PLXNA4: variants seen among roughly 807,000 people sequenced by gnomAD.
PLXNA4 encodes plexin-A4.
Under a neutral mutation model 191.8 loss-of-function variants are expected in PLXNA4, and 44 were observed. The observed-to-expected ratio is 0.23, with a 90% CI of 0.18 to 0.29. The LOEUF is 0.29. PLXNA4 is among the 10% of genes least tolerant of loss of function. PLXNA4 has a pLI of 1.00. For missense variants in PLXNA4, 1,800 were observed against 2,488.8 expected (o/e 0.72, Z 5.89); for synonymous variants, 1,082 against 1,009.5 (o/e 1.07, Z -1.36).
At chr7:132,385,730 G>A (rs187795160) in intron 3 of PLXNA4, among the ~76,000 whole-genome samples, 14 of 152,312 alleles carry the variant, frequency 9.2e-5, no homozygotes, top group African/African-American at 3.4e-4. Context: ...ACACACGCGT[G>A]CGCATGCACA....
At chr7:132,223,442 G>A in intron 9 of PLXNA4, 85 bp downstream of exon 9, 1 of 1,216,356 alleles carries the variant, frequency 8.2e-7, no homozygotes, top group South Asian at 1.3e-5. Flanking sequence ...TTTTCCTTTG[G>A]TTTCTCCTCT....
intron 3 of PLXNA4, among the ~76,000 whole-genome samples, chr7:132,338,705 T>C (rs1364300206): frequency 6.6e-6 from 1 of 152,172 alleles, no homozygotes; most frequent in Non-Finnish European, 1.5e-5. Flanking sequence ...GTGACCACAT[T>C]ATAAATATCA....
At chr7:132,136,454 G>A (rs1360985520) in intron 30 of PLXNA4, among the ~76,000 whole-genome samples, 1 of 152,184 alleles carries the variant, frequency 6.6e-6, no homozygotes, top group Non-Finnish European at 1.5e-5. Flanking sequence ...CTGCTAAGAA[G>A]GAGCTGGTCC....
chr7:132,646,423 C>A, intron 1 of PLXNA4, among the ~76,000 whole-genome samples: 1 of 152,076 alleles, frequency 6.6e-6, no homozygotes, highest in East Asian at 1.9e-4. Context: ...CCCTAATCTC[C>A]GATGTGGTGG....
chr7:132,181,133 A>G, intron 18 of PLXNA4, among the ~76,000 whole-genome samples: 1 of 152,216 alleles, frequency 6.6e-6, no homozygotes, highest in East Asian at 1.9e-4. Flanking sequence ...TTGGACTTTC[A>G]GGACAATAAA....
Position 132,561,980 on chromosome 7 carries a change from ATCC to A in PLXNA4, c.-87+14439_-87+14441del, listed in dbSNP as rs555097796. On this transcript the variant is annotated intron_variant, in intron 1 of 31. Coordinates refer to ENST00000321063, the MANE Select transcript of PLXNA4 (RefSeq NM_020911.2). ...CCTCCTCCTCCTTATCCTCCTCCTTATCCTCCTCTTCTTTCTCTGCCTCCTCCT... is the reference window on the plus strand; with the variant it reads ...CCTCCTCCTCCTTATCCTCCTCCTTATCCTCTTCTTTCTCTGCCTCCTCCT... Among the ~76,000 whole-genome samples the A allele has an allele frequency of 4.1e-3, 128 of 31,134 alleles. 1 individual carries two copies. Among genetic ancestry groups the A allele is most frequent in the Non-Finnish European group, 6.0e-3 (97 of 16,036 alleles). 20.4% of individuals were successfully genotyped at this position (31,134 alleles called of 152,430 possible).
At position 132,576,279 on chromosome 7, in the gene PLXNA4, G is replaced by C. The variant is rs1802230792; in HGVS notation, c.-87+143C>G. 1 of 553,974 alleles carries C rather than the reference G, an allele frequency of 1.8e-6. No homozygotes were observed. The highest frequency in any genetic ancestry group is 2.1e-5 in the African/African-American group (1 of 47,590). 34.3% of individuals were successfully genotyped at this position (553,974 alleles called of 1,614,324 possible). A position where few individuals can be genotyped will look rare whatever the true frequency, so the allele number is the denominator to read the frequency against. On this transcript the variant is annotated intron_variant, in intron 1 of 31. Coordinates refer to ENST00000321063, the MANE Select transcript of PLXNA4 (RefSeq NM_020911.2). The surrounding 1 kb of genome is among the most constrained non-coding windows in gnomAD (Gnocchi z 5.8). ...GCGCCGTGTGTGCCGGTGTGGATCT[G>C]TGTGTGTGCCTGCGTGTGTGCGTGT...
intron 3 of PLXNA4, among the ~76,000 whole-genome samples, chr7:132,347,366 A>G (rs1428686865): frequency 6.6e-6 from 1 of 152,192 alleles, no homozygotes; most frequent in Non-Finnish European, 1.5e-5. Context: ...CCTGAAAACT[A>G]AGCAAGACAC....
Position 132,298,238 on chromosome 7 carries a change from G to A in PLXNA4, c.1372-16C>T, listed in dbSNP as rs1801178203. The A allele has an allele frequency of 4.4e-6, 7 of 1,606,106 alleles. No individual in the cohort carries two copies. In the East Asian group the frequency reaches 1.6e-4, roughly 36 times the overall value. On this transcript the variant is annotated splice_polypyrimidine_tract_variant and intron_variant, in intron 3 of 31. Transcript: ENST00000321063. The stretch of plus-strand genomic sequence containing the variant: ...CCACCCGGATCTGTGGAGAAGAAGA[G>A]GAGAGCCAAAGTGAGTTCAGATCCT...
chr7:132,132,382 G>C (rs1218330433), intron 31 of PLXNA4, among the ~76,000 whole-genome samples: 1 of 43,186 alleles, frequency 2.3e-5, no homozygotes. Context: ...CATTCTATTT[G>C]TTCTGTTCTG....
Position 132,229,973 on chromosome 7 carries a change from A to T in PLXNA4, c.1605-1504T>A, listed in dbSNP as rs376870997. Among the ~76,000 whole-genome samples, 93 of 152,250 alleles carry T rather than the reference A, an allele frequency of 6.1e-4. 1 individual carries two copies. The South Asian group carries it at 0.019, about 31-fold the overall frequency. ...GAATCTAGCAAATGAAGGAGAAATCATTGAAGGCCATGGACTGAAGCTGTC... is the reference window on the plus strand; with the variant it reads ...GAATCTAGCAAATGAAGGAGAAATCTTTGAAGGCCATGGACTGAAGCTGTC... On this transcript the variant is annotated intron_variant, in intron 5 of 31. Coordinates refer to ENST00000321063, the MANE Select transcript of PLXNA4 (RefSeq NM_020911.2).
At chr7:132,342,653 A>G (rs1803075071) in intron 3 of PLXNA4, among the ~76,000 whole-genome samples, 1 of 152,124 alleles carries the variant, frequency 6.6e-6, no homozygotes, top group African/African-American at 2.4e-5. Flanking sequence ...CCCTCAGAAG[A>G]TATTTACACG....
chr7:132,351,506 C>T (rs1432383708), intron 3 of PLXNA4, among the ~76,000 whole-genome samples: 2 of 152,160 alleles, frequency 1.3e-5, no homozygotes, highest in Admixed American at 1.3e-4. Context: ...TGAGAATGGC[C>T]GTTGGCTCCA....
chr7:132,377,422 GA>G (rs10596289), intron 3 of PLXNA4, among the ~76,000 whole-genome samples: 12,512 of 86,502 alleles, frequency 0.14, 560 homozygotes, highest in African/African-American at 0.18. Flanking sequence ...AAATGAAAAA[GA>G]AAAAAAAAAA....
At chr7:132,486,294 C>G (rs1797555203) in intron 3 of PLXNA4, among the ~76,000 whole-genome samples, 1 of 152,182 alleles carries the variant, frequency 6.6e-6, no homozygotes, top group Non-Finnish European at 1.5e-5. Context: ...GTCCTGATAA[C>G]CTCTGGGAAA....
chr7:132,625,214 A>T lies in PLXNA4; in HGVS notation c.-87+20714T>A, dbSNP rs533575986. ...AGCCCAAGAGAGGTGGAGAGTGCCA[A>T]ATCAAGCCTCTCTGGGTTGAGAGTC... On this transcript the variant is annotated intron_variant, in intron 2 of 4. Coordinates refer to the PLXNA4 transcript ENST00000378539. Among the ~76,000 whole-genome samples, 20 of 152,260 alleles carry T rather than the reference A, an allele frequency of 1.3e-4. No homozygotes were observed. In the South Asian group the frequency reaches 3.1e-3, roughly 24 times the overall value.
intron 2 of PLXNA4, among the ~76,000 whole-genome samples, chr7:132,607,414 G>T (rs1481846647): frequency 6.6e-6 from 1 of 152,182 alleles, no homozygotes; most frequent in East Asian, 1.9e-4. Context: ...GCTAGGAGCA[G>T]CCCAGAGCAC....
intron 2 of PLXNA4, among the ~76,000 whole-genome samples, chr7:132,503,312 A>C (rs1798329853): frequency 6.6e-6 from 1 of 152,056 alleles, no homozygotes. Flanking sequence ...AGGGCTCCAT[A>C]TATGTTTCAC....
At chr7:132,635,170 TTATATATATATA>T (rs3037811) in intron 2 of PLXNA4, among the ~76,000 whole-genome samples, 5 of 131,814 alleles carry the variant, frequency 3.8e-5, no homozygotes, top group Non-Finnish European at 4.8e-5. Flanking sequence ...AAACTCCCCT[TTATATATATATA>T]TATATATATA....
Sources: gnomAD v4.1 joint callset for allele counts (sites outside exome capture counted in the v4.1 genomes callset) on GRCh38, gnomAD v4.1.1 for gene constraint, Gnocchi (gnomAD v3.1) non-coding constraint, MANE v1.5 for transcripts, NCBI Gene and HGNC (gene_info 2026-07-23, HGNC 2026-07-21) for gene names.